FBXL13: variants seen among roughly 807,000 people sequenced by gnomAD.
FBXL13 encodes F-box and leucine rich repeat protein 13.
In FBXL13, 67 loss-of-function variants were observed where a neutral mutation model predicts 83.6. The ratio of observed to expected loss-of-function variants is 0.80; its 90% CI spans 0.66 to 0.98. The LOEUF is 0.98. Ranked by LOEUF, FBXL13 falls within the 50% of genes least tolerant of loss-of-function variation. The pLI, the probability that FBXL13 is intolerant of heterozygous loss-of-function variation, is 0.00. For missense variants in FBXL13, 822 were observed against 866.5 expected, an observed-to-expected ratio of 0.95 and a Z score of 0.64; for synonymous variants, 272 against 299.5, an observed-to-expected ratio of 0.91 and a Z score of 0.95.
intron 18 of FBXL13, 38 bp from the exon 20 acceptor site, chr7:102,822,241 C>A (rs775792964): frequency 2.2e-5 from 35 of 1,600,548 alleles, no homozygotes; most frequent in Non-Finnish European, 2.7e-5. Flanking sequence ...GTTATTCAAA[C>A]ACTATCTCAG....
chr7:103,017,182 T>C (rs1355502440), intron 6 of FBXL13, among the ~76,000 whole-genome samples: 2 of 152,104 alleles, frequency 1.3e-5, no homozygotes, highest in African/African-American at 4.8e-5. Flanking sequence ...TTTGCTGTTC[T>C]GCAGCCTCTG....
chr7:103,049,986 C>T (rs1203934286), intron 2 of FBXL13: 3 of 152,186 alleles, frequency 2.0e-5, no homozygotes, highest in Non-Finnish European at 4.4e-5. Flanking sequence ...AAAGCATAGC[C>T]ACGTGGCTAC....
intron 10 of FBXL13, among the ~76,000 whole-genome samples, chr7:102,922,523 G>T (rs900788203): frequency 3.3e-5 from 5 of 152,092 alleles, no homozygotes; most frequent in South Asian, 4.1e-4. Flanking sequence ...CTATTTTGCG[G>T]ATATAAAGGA....
chr7:103,057,932 C>G (rs1350868285), intron 1 of FBXL13, among the ~76,000 whole-genome samples: 1 of 152,074 alleles, frequency 6.6e-6, no homozygotes, highest in Non-Finnish European at 1.5e-5. Context: ...CAGACCCACT[C>G]CTGCTGGCTT....
intron 8 of FBXL13, among the ~76,000 whole-genome samples, chr7:102,954,503 G>C (rs983703394): frequency 6.6e-6 from 1 of 152,098 alleles, no homozygotes; most frequent in African/African-American, 2.4e-5. Flanking sequence ...AAAACAAACA[G>C]CAAACATCAT....
At chr7:102,955,104 A>C (rs1298443493) in intron 8 of FBXL13, among the ~76,000 whole-genome samples, 4 of 152,218 alleles carry the variant, frequency 2.6e-5, no homozygotes, top group African/African-American at 9.6e-5. Context: ...TCTCAGCACC[A>C]CATCGCACTT....
At chr7:102,871,232 C>T (rs915758134) in intron 16 of FBXL13, among the ~76,000 whole-genome samples, 11 of 152,134 alleles carry the variant, frequency 7.2e-5, no homozygotes, top group South Asian at 2.1e-4. Context: ...AATCATTTCT[C>T]TCCCAATCCT....
At chr7:103,066,672 C>A (rs897872937) in intron 1 of FBXL13, among the ~76,000 whole-genome samples, 2 of 152,048 alleles carry the variant, frequency 1.3e-5, no homozygotes, top group African/African-American at 4.8e-5. Context: ...GGATTACAGG[C>A]GTGAGCCACT....
chr7:103,001,154 T>A (rs1256270936), intron 6 of FBXL13, among the ~76,000 whole-genome samples: 1 of 151,518 alleles, frequency 6.6e-6, no homozygotes, highest in Non-Finnish European at 1.5e-5. Flanking sequence ...AGAGACAGGG[T>A]TTCACCATGT....
intron 6 of FBXL13, among the ~76,000 whole-genome samples, chr7:103,024,857 A>ATATATAT (rs1298384907): frequency 4.8e-5 from 3 of 62,846 alleles, no homozygotes; most frequent in African/African-American, 2.7e-4. Context: ...ATATATATAT[A>ATATATAT]TTTTTTTTTT....
intron 2 of FBXL13, among the ~76,000 whole-genome samples, chr7:103,037,467 G>A (rs1366916485): frequency 3.9e-5 from 6 of 151,904 alleles, no homozygotes; most frequent in East Asian, 1.9e-4. Flanking sequence ...TTTTTTACAC[G>A]ATGCTCCTCT....
rs552531551 is a variant in FBXL13 at position 102,880,294 on chromosome 7, T to C, written c.1389-1844A>G. Among the ~76,000 whole-genome samples the C allele has an allele frequency of 4.6e-5, 7 of 152,350 alleles. No homozygotes were observed. The East Asian group carries it at 7.7e-4, about 17-fold the overall frequency. ...AGGTTTAACTCTTATATGTACATAT[T>C]AAAATCTTAAAACTCTGAAATTAAG... On this transcript the variant is annotated intron_variant, in intron 14 of 19. Transcript: ENST00000313221.
rs142717392 is a variant in FBXL13, at chr7:102,942,102, C to CT, written c.725-10170dup. The stretch of plus-strand genomic sequence containing the variant: ...GGTCTCTACCATCAGTGGTGGTACT[C>CT]TTTTTTCCCCCTTTGTTCAATTCAA... On this transcript the variant is annotated intron_variant, in intron 8 of 19. Coordinates refer to ENST00000313221, the Ensembl canonical transcript of FBXL13. 3.7e-3 allele frequency among the ~76,000 whole-genome samples: 570 copies of CT among 152,270 alleles called. 5 individuals carry two copies. The highest frequency in any genetic ancestry group is 0.014 in the African/African-American group (563 of 41,556).
rs893724169 is a variant in FBXL13, at chr7:102,867,825, C to T, written c.1635+9642G>A. ...TCATGCCATTCTCCTGCCTCAGCCT[C>T]CTGTAGCTGGGACTACAGGTGCCTG... is the stretch of plus-strand genomic sequence containing the variant. On this transcript the variant is annotated intron_variant, in intron 16 of 19. Coordinates refer to ENST00000313221, the Ensembl canonical transcript of FBXL13. 4.7e-5 allele frequency among the ~76,000 whole-genome samples: 7 copies of T among 150,360 alleles called. No homozygotes were observed. The East Asian group carries it at 1.4e-3, about 29-fold the overall frequency.
At chr7:102,995,716 C>T (rs1789702399) in intron 6 of FBXL13, among the ~76,000 whole-genome samples, 1 of 147,662 alleles carries the variant, frequency 6.8e-6, no homozygotes, top group Non-Finnish European at 1.5e-5. Context: ...GATCCCGGGA[C>T]GTGGAGGTTG....
At chr7:102,959,690 T>C (rs1824871456) in intron 8 of FBXL13, among the ~76,000 whole-genome samples, 1 of 151,992 alleles carries the variant, frequency 6.6e-6, no homozygotes, top group Non-Finnish European at 1.5e-5. Context: ...ACTTATATGA[T>C]AGATAGAAAA....
rs138748213 is a variant in FBXL13, at chr7:102,938,173, A to G, written c.725-6240T>C. Among the ~76,000 whole-genome samples the G allele has an allele frequency of 3.7e-3, 571 of 152,374 alleles. 5 individuals are homozygous for G. The highest frequency in any genetic ancestry group is 0.014 in the African/African-American group (564 of 41,594). ...AGGTAAACGGATTTGTCAAGAATAC[A>G]TGAAAGTCAGAGTTTTTAAACTGCT... is the stretch of plus-strand genomic sequence containing the variant. On this transcript the variant is annotated intron_variant, in intron 8 of 19. Coordinates refer to ENST00000313221, the Ensembl canonical transcript of FBXL13.
rs180881062 is a variant in FBXL13 at position 103,032,904 on chromosome 7, C to A, written c.1-3486G>T. ...ATTAGCGGGGTGTGGTGGCATGCAC[C>A]CATAGTACCAGCAACTTGGGAGGTT... On this transcript the variant is annotated intron_variant, in intron 2 of 19. Coordinates refer to ENST00000313221, the Ensembl canonical transcript of FBXL13. Among the ~76,000 whole-genome samples the A allele has an allele frequency of 2.2e-3, 332 of 152,218 alleles. 2 individuals carry two copies. Among genetic ancestry groups the A allele is most frequent in the Middle Eastern group, 0.02 (6 of 294 alleles).
intron 6 of FBXL13, among the ~76,000 whole-genome samples, chr7:103,000,739 A>G (rs1390004846): frequency 6.6e-6 from 1 of 152,138 alleles, no homozygotes; most frequent in African/African-American, 2.4e-5. Context: ...TAGATCTATT[A>G]ATGTTTGCTT....
Sources: allele counts gnomAD v4.1 joint callset (sites outside exome capture counted in the v4.1 genomes callset), GRCh38; gene constraint gnomAD v4.1.1; transcripts MANE v1.5; gene names NCBI Gene and HGNC (gene_info 2026-07-23, HGNC 2026-07-21).